The following CFAP20DC variants were observed in gnomAD, a reference collection of about 807,000 sequenced individuals.
CFAP20DC encodes the protein protein CFAP20DC.
In CFAP20DC, 84 loss-of-function variants were observed where a neutral mutation model predicts 101.7. That is an observed-to-expected ratio of 0.83 (90% CI 0.69 to 0.99). The LOEUF (loss-of-function observed/expected upper bound fraction) is 0.99. CFAP20DC is among the 50% of genes least tolerant of loss of function. The pLI is 0.00. For synonymous variants in CFAP20DC, 359 were observed against 351.2 expected (o/e 1.02, Z -0.25); for missense variants, 1,007 against 970.3 (o/e 1.04, Z -0.50).
chr3:59,010,280 T>C (rs1430459679), intron 4 of CFAP20DC, among the ~76,000 whole-genome samples: 1 of 152,010 alleles, frequency 6.6e-6, no homozygotes, highest in Admixed American at 6.6e-5. Context: ...TGAATACAAA[T>C]CCACCAACCA....
At chr3:58,777,657 G>T (rs754411139) in intron 15 of CFAP20DC, among the ~76,000 whole-genome samples, 19 of 152,198 alleles carry the variant, frequency 1.2e-4, no homozygotes, top group Admixed American at 7.8e-4. Context: ...ATTTCTACAG[G>T]ACAGACTTAA....
At chr3:58,935,210 T>C (rs1278600042) in intron 5 of CFAP20DC, among the ~76,000 whole-genome samples, 9 of 152,020 alleles carry the variant, frequency 5.9e-5, no homozygotes, top group Admixed American at 3.3e-4. Context: ...GGAATCCAAC[T>C]TACAAGGGAT....
At position 58,870,161 on chromosome 3, in the gene CFAP20DC, C is replaced by T; in HGVS notation, c.852+12G>A. 1.4e-6 allele frequency: 2 copies of T among 1,450,386 alleles called. No individual in the cohort carries two copies. The highest frequency in any genetic ancestry group is 1.9e-6 in the Non-Finnish European group (2 of 1,075,834). The allele number at this position is 1,450,386 out of a possible 1,614,324, so 89.8% of individuals were successfully genotyped here. The stretch of plus-strand genomic sequence containing the variant: ...CTTGTGCTTAGATAAGCTCTCCAAA[C>T]CTTGCTCCTACCTCGCTGGATATCT... On this transcript the variant is annotated intron_variant, in intron 8 of 16. Coordinates refer to ENST00000482387, the MANE Select transcript of CFAP20DC (RefSeq NM_001394063.1).
intron 4 of CFAP20DC, among the ~76,000 whole-genome samples, chr3:59,003,679 G>A (rs190546633): frequency 1.5e-4 from 23 of 152,312 alleles, no homozygotes; most frequent in African/African-American, 5.3e-4. Context: ...AACAACTGAT[G>A]TAATTGCCTA....
chr3:58,974,737 G>C (rs2092172876), intron 4 of CFAP20DC, among the ~76,000 whole-genome samples: 4 of 152,256 alleles, frequency 2.6e-5, no homozygotes, highest in Admixed American at 2.0e-4. Context: ...TTGTTAGGGG[G>C]AGGGTGGTTA....
intron 4 of CFAP20DC, among the ~76,000 whole-genome samples, chr3:58,989,092 A>G (rs368875471): frequency 1.4e-3 from 212 of 152,276 alleles, no homozygotes; most frequent in African/African-American, 4.7e-3. Context: ...GTAAAAGTCA[A>G]TATTTTAGTC....
rs768056423 is a variant in CFAP20DC at position 58,870,339 on chromosome 3, C to T, written c.716-30G>A. ...TTTGTTAAAGGAAGGTAATAATAGT[C>T]CATTAATGGGTGTAATGACAAACAT... On this transcript the variant is annotated intron_variant, in intron 7 of 16. Coordinates refer to ENST00000482387, the MANE Select transcript of CFAP20DC (RefSeq NM_001394063.1). 26 of 1,603,800 alleles carry T rather than the reference C, an allele frequency of 1.6e-5. No homozygotes were observed. The South Asian group carries it at 2.7e-4, about 16-fold the overall frequency.
At chr3:58,872,229 G>A (rs2108542363) in intron 7 of CFAP20DC, among the ~76,000 whole-genome samples, 1 of 152,220 alleles carries the variant, frequency 6.6e-6, no homozygotes, top group Middle Eastern at 3.4e-3. Context: ...TTGCCCACCA[G>A]TCCTGGACAT....
At chr3:59,008,401 C>T (rs561118728) in intron 4 of CFAP20DC, among the ~76,000 whole-genome samples, 1 of 152,304 alleles carries the variant, frequency 6.6e-6, no homozygotes, top group South Asian at 2.1e-4. Flanking sequence ...CTGAGTATTA[C>T]ATCTACCCAC....
At chr3:59,018,000 T>C (rs140840939) in intron 4 of CFAP20DC, 1 of 152,228 alleles carries the variant, frequency 6.6e-6, no homozygotes, top group East Asian at 1.9e-4. Flanking sequence ...ATAGGTCAGA[T>C]TCCCATTCCT....
chr3:58,739,931 C>A, downstream of CFAP20DC, among the ~76,000 whole-genome samples: 1 of 152,092 alleles, frequency 6.6e-6, no homozygotes, highest in Admixed American at 6.5e-5. Context: ...TGGTAGACAC[C>A]TTTAGAATGT....
At chr3:58,920,720 C>T (rs751366453) in intron 5 of CFAP20DC, among the ~76,000 whole-genome samples, 4 of 152,140 alleles carry the variant, frequency 2.6e-5, no homozygotes, top group Non-Finnish European at 4.4e-5. Flanking sequence ...CATATGTCCA[C>T]GTTCATGAGG....
intron 5 of CFAP20DC, among the ~76,000 whole-genome samples, chr3:58,931,524 C>T (rs868522476): frequency 2.6e-5 from 4 of 152,068 alleles, no homozygotes; most frequent in South Asian, 2.1e-4. Flanking sequence ...AGGCACCCCC[C>T]AGTAGGGGCA....
intron 5 of CFAP20DC, among the ~76,000 whole-genome samples, chr3:58,937,073 G>A (rs565323117): frequency 4.6e-5 from 7 of 152,098 alleles, no homozygotes; most frequent in Admixed American, 2.0e-4. Context: ...GTTTGAGAAC[G>A]ACTTGTCAGA....
At chr3:58,929,551 G>C (rs538686158) in intron 5 of CFAP20DC, among the ~76,000 whole-genome samples, 1 of 152,096 alleles carries the variant, frequency 6.6e-6, no homozygotes, top group East Asian at 1.9e-4. Flanking sequence ...TCAATAACTG[G>C]AGTCACATTT....
chr3:58,845,391 G>A (rs938162756), intron 13 of CFAP20DC, among the ~76,000 whole-genome samples: 3 of 152,128 alleles, frequency 2.0e-5, no homozygotes, highest in South Asian at 4.2e-4. Context: ...ACAACTCTAC[G>A]CAAATAAACT....
chr3:58,927,000 AATTAC>A (rs2086060023), intron 5 of CFAP20DC, among the ~76,000 whole-genome samples: 1 of 152,224 alleles, frequency 6.6e-6, no homozygotes, highest in African/African-American at 2.4e-5. Context: ...AACTAATTGA[AATTAC>A]ATTAAAGAAG....
Position 58,742,022 on chromosome 3 carries a change from A to G in CFAP20DC, c.*438T>C. ...TTTAAAAGCTATTCTTCTTACCATC[A>G]TACTTTATTTTTAATACAAATGCCA... is the stretch of plus-strand genomic sequence containing the variant. On this transcript the variant is annotated 3_prime_UTR_variant, in exon 17 of 17. Transcript: ENST00000482387. 1 of 935,410 alleles carries G rather than the reference A, an allele frequency of 1.1e-6. No homozygotes were observed. The highest frequency in any genetic ancestry group is 5.0e-5 in the South Asian group (1 of 20,172). The allele number at this position is 935,410 out of a possible 1,614,324, so 57.9% of individuals were successfully genotyped here. A position where few individuals can be genotyped will look rare whatever the true frequency, so the allele number is the denominator to read the frequency against.
chr3:58,991,562 A>C (rs2092938033), intron 4 of CFAP20DC, among the ~76,000 whole-genome samples: 1 of 151,976 alleles, frequency 6.6e-6, no homozygotes, highest in Admixed American at 6.6e-5. Flanking sequence ...GTGGAAGACA[A>C]TTTTTCTATG....
Sources: allele counts gnomAD v4.1 joint callset (sites outside exome capture counted in the v4.1 genomes callset), GRCh38; gene constraint gnomAD v4.1.1; transcripts MANE v1.5; gene names NCBI Gene and HGNC (gene_info 2026-07-23, HGNC 2026-07-21).